Variants in SSH1 observed in about 807,000 individuals in gnomAD.
The protein encoded by SSH1 is slingshot protein phosphatase 1.
In SSH1, 43 loss-of-function variants were observed where a neutral mutation model predicts 79.7. The ratio of observed to expected loss-of-function variants is 0.54; its 90% CI spans 0.42 to 0.70. SSH1 has a LOEUF of 0.70. Among genes scored for constraint, SSH1 ranks in the 30% least tolerant of loss-of-function variants. The probability of loss-of-function intolerance (pLI) is 0.00; values close to 1 mark genes in which losing one functional copy is unlikely to be tolerated. For missense variants in SSH1, 1,206 were observed against 1,358.8 expected, an observed-to-expected ratio of 0.89 and a Z score of 1.77; for synonymous variants, 599 against 538.3, an observed-to-expected ratio of 1.11 and a Z score of -1.56.
intron 1 of SSH1, among the ~76,000 whole-genome samples, chr12:108,856,201 C>G (rs2039140219): frequency 6.6e-6 from 1 of 152,178 alleles, no homozygotes; most frequent in Admixed American, 6.5e-5. Context: ...AGAGTTTAGA[C>G]CAGAGGCCTT....
intron 10 of SSH1, among the ~76,000 whole-genome samples, chr12:108,804,169 C>T (rs1442134161): frequency 1.3e-5 from 2 of 152,352 alleles, no homozygotes; most frequent in South Asian, 2.1e-4. Flanking sequence ...CTATCCTCCC[C>T]CTCAGCCTCC....
Position 108,785,022 on chromosome 12 carries a change from T to A in SSH1, c.*2966A>T, listed in dbSNP as rs2036232336. On this transcript the variant is annotated 3_prime_UTR_variant, in exon 15 of 15. Coordinates refer to ENST00000326495, the MANE Select transcript of SSH1 (RefSeq NM_018984.4). ...AAAGCAAGGGCCAAGCTATGGCATA[T>A]GTTACAGTGCAAACTTCCTTTTCAC... 6.6e-6 allele frequency: 1 copy of A among 152,268 alleles called. No individual in the cohort carries two copies. The highest frequency in any genetic ancestry group is 1.5e-5 in the Non-Finnish European group (1 of 68,044). 9.4% of individuals were successfully genotyped at this position (152,268 alleles called of 1,614,324 possible). A position where few individuals can be genotyped will look rare whatever the true frequency, so the allele number is the denominator to read the frequency against.
At chr12:108,839,560 C>T (rs2038725394) in intron 2 of SSH1, among the ~76,000 whole-genome samples, 1 of 152,160 alleles carries the variant, frequency 6.6e-6, no homozygotes, top group African/African-American at 2.4e-5. Flanking sequence ...CGTGCCAGGC[C>T]TGGACCAGGA....
intron 13 of SSH1, among the ~76,000 whole-genome samples, chr12:108,795,262 CTTTT>C (rs1203964983): frequency 6.8e-6 from 1 of 146,674 alleles, no homozygotes; most frequent in South Asian, 2.2e-4. Flanking sequence ...TCTTTAAAAA[CTTTT>C]TTTTTTTTGG....
At chr12:108,805,712 T>G (rs1357848712) in intron 9 of SSH1, among the ~76,000 whole-genome samples, 1 of 151,076 alleles carries the variant, frequency 6.6e-6, no homozygotes, top group Non-Finnish European at 1.5e-5. Context: ...AAAAAAAGAT[T>G]ATAAATGAAC....
chr12:108,830,056 G>C (rs374178302), intron 2 of SSH1, among the ~76,000 whole-genome samples: 1 of 152,170 alleles, frequency 6.6e-6, no homozygotes, highest in African/African-American at 2.4e-5. Flanking sequence ...ACAGTGAGCT[G>C]TGACCACACC....
In SSH1 at chr12:108,788,885, C is replaced by A; in HGVS notation, c.2253G>T (p.Leu751=). ...AATTCTTCAAAAGGAGGGACTTTGG[C>A]AGGACTTTTGGGGTCTCTCTGGAAG... ...LEPSRETPKV[L]PKSLLLKNSH... Residue 751 remains leucine, a synonymous_variant, in exon 15 of 15, where the codon CTG becomes CTT. Transcript: ENST00000326495. 1 of 1,614,186 alleles carries A rather than the reference C, an allele frequency of 6.2e-7. No homozygotes were observed. The highest frequency in any genetic ancestry group is 8.5e-7 in the Non-Finnish European group (1 of 1,180,038).
At chr12:108,806,668 C>T (rs534250562) in intron 8 of SSH1, among the ~76,000 whole-genome samples, 1 of 152,334 alleles carries the variant, frequency 6.6e-6, no homozygotes, top group South Asian at 2.1e-4. Flanking sequence ...GGGCAGGATG[C>T]TGGGATGCCC....
rs2036326518 is a variant in SSH1, at chr12:108,787,811, T to G, written c.*177A>C. The G allele has an allele frequency of 1.3e-6, 1 of 794,734 alleles. No homozygotes were observed. The highest frequency in any genetic ancestry group is 1.8e-5 in the South Asian group (1 of 56,548). 49.2% of individuals were successfully genotyped at this position (794,734 alleles called of 1,614,324 possible). A position where few individuals can be genotyped will look rare whatever the true frequency, so the allele number is the denominator to read the frequency against. ...ACACGACTGACAGCTCCCCTTCTTG[T>G]GCTGCATGTTGGTTAGTTTCTTCTC... On this transcript the variant is annotated 3_prime_UTR_variant, in exon 15 of 15. Coordinates refer to ENST00000326495, the MANE Select transcript of SSH1 (RefSeq NM_018984.4).
intron 2 of SSH1, among the ~76,000 whole-genome samples, chr12:108,832,328 G>GA (rs2038495053): frequency 1.6e-5 from 2 of 125,056 alleles, no homozygotes; most frequent in Non-Finnish European, 3.4e-5. Context: ...GAAAAGAAAA[G>GA]AAAGAAAAGA....
In SSH1 at chr12:108,857,116, G is replaced by A. The variant is rs1173177235; in HGVS notation, c.69+312C>T. ...CAAGATGGGGGTAACCCCCTGATGTGGGTCACAGCGCACACACAGTATCCT... is the reference window on the plus strand; with the variant it reads ...CAAGATGGGGGTAACCCCCTGATGTAGGTCACAGCGCACACACAGTATCCT... On this transcript the variant is annotated intron_variant, in intron 1 of 14. Transcript: ENST00000326495. This position sits in a 1 kb window ranked among gnomAD's most constrained non-coding sequence, Gnocchi z 4.7. Among the ~76,000 whole-genome samples the A allele has an allele frequency of 6.6e-6, 1 of 152,230 alleles. No individual in the cohort carries two copies. Among genetic ancestry groups the A allele is most frequent in the East Asian group, 1.9e-4 (1 of 5,196 alleles).
At chr12:108,836,261 G>A (rs925153855) in intron 2 of SSH1, among the ~76,000 whole-genome samples, 4 of 152,088 alleles carry the variant, frequency 2.6e-5, no homozygotes, top group African/African-American at 4.8e-5. Flanking sequence ...ATAGATGCAC[G>A]TGTGTGTGTA....
rs886620824 is a variant in SSH1, at chr12:108,857,311, C to T, written c.69+117G>A. 3.1e-5 allele frequency: 15 copies of T among 481,754 alleles called. No homozygotes were observed. The highest frequency in any genetic ancestry group is 3.0e-4 in the African/African-American group (14 of 47,444). 29.8% of individuals were successfully genotyped at this position (481,754 alleles called of 1,614,324 possible). A position where few individuals can be genotyped will look rare whatever the true frequency, so the allele number is the denominator to read the frequency against. ...CGGCTGCCCGGCTCTGTTCCTACGG[C>T]GGGGCCCCGAGGAGCCCGCGCAGCC... is the stretch of plus-strand genomic sequence containing the variant. On this transcript the variant is annotated intron_variant, in intron 1 of 14. Coordinates refer to ENST00000326495, the MANE Select transcript of SSH1 (RefSeq NM_018984.4). This position sits in a 1 kb window ranked among gnomAD's most constrained non-coding sequence, Gnocchi z 4.7.
chr12:108,848,459 C>T (rs2038948764), intron 2 of SSH1, among the ~76,000 whole-genome samples: 1 of 152,180 alleles, frequency 6.6e-6, no homozygotes, highest in African/African-American at 2.4e-5. Flanking sequence ...GTGATGGCAG[C>T]TCACCTTCAG....
At chr12:108,812,404 G>A (rs1026034807) in intron 5 of SSH1, among the ~76,000 whole-genome samples, 1 of 152,250 alleles carries the variant, frequency 6.6e-6, no homozygotes, top group Non-Finnish European at 1.5e-5. Flanking sequence ...CTGAGAACGT[G>A]CAGTCTAGAA....
chr12:108,809,395 T>C lies in SSH1; in HGVS notation c.536+298A>G, dbSNP rs561183858. Among the ~76,000 whole-genome samples, 70 of 149,030 alleles carry C rather than the reference T, an allele frequency of 4.7e-4. 1 individual carries two copies. Among genetic ancestry groups the C allele is most frequent in the African/African-American group, 1.7e-3 (69 of 40,386 alleles). On this transcript the variant is annotated intron_variant, in intron 7 of 14. Coordinates refer to ENST00000326495, the MANE Select transcript of SSH1 (RefSeq NM_018984.4). ...TCACCTGAGCCTGGGAGGTCAAGGC[T>C]GCAGTGAACCATGATCACACCACTG... is the stretch of plus-strand genomic sequence containing the variant.
intron 6 of SSH1, among the ~76,000 whole-genome samples, chr12:108,810,485 G>A (rs903176414): frequency 5.3e-5 from 8 of 151,850 alleles, no homozygotes; most frequent in Admixed American, 4.6e-4. Context: ...TCGTACCACT[G>A]CACTCCACCC....
chr12:108,783,405 A>G lies in SSH1; in HGVS notation c.*4583T>C, dbSNP rs2036183649. On this transcript the variant is annotated 3_prime_UTR_variant, in exon 15 of 15. Coordinates refer to ENST00000326495, the MANE Select transcript of SSH1 (RefSeq NM_018984.4). ...GACTTTAACAGTTTTGCATAAATAC[A>G]TAGTATTTGTAAACTATTATTAAGG... 6.6e-6 allele frequency: 1 copy of G among 152,282 alleles called. No individual in the cohort carries two copies. Among genetic ancestry groups the G allele is most frequent in the Admixed American group, 6.5e-5 (1 of 15,290 alleles). 9.4% of individuals were successfully genotyped at this position (152,282 alleles called of 1,614,324 possible). A position where few individuals can be genotyped will look rare whatever the true frequency, so the allele number is the denominator to read the frequency against.
At chr12:108,821,732 T>C (rs2038128329) in intron 3 of SSH1, among the ~76,000 whole-genome samples, 2 of 152,210 alleles carry the variant, frequency 1.3e-5, no homozygotes, top group South Asian at 4.1e-4. Flanking sequence ...ACAGTTATTT[T>C]CTTTGCTTAA....
Sources: gnomAD v4.1 joint callset for allele counts (sites outside exome capture counted in the v4.1 genomes callset) on GRCh38, gnomAD v4.1.1 for gene constraint, Gnocchi (gnomAD v3.1) non-coding constraint, MANE v1.5 for transcripts, NCBI Gene and HGNC (gene_info 2026-07-23, HGNC 2026-07-21) for gene names.